The following KCNQ1 variants were observed in gnomAD, a reference collection of about 807,000 sequenced individuals.
The protein encoded by KCNQ1 is potassium voltage-gated channel subfamily KQT member 1.
In KCNQ1, 49 loss-of-function variants were observed where a neutral mutation model predicts 72.4. That is an observed-to-expected ratio of 0.68 (90% CI 0.54 to 0.86). KCNQ1 has a LOEUF of 0.86. Among genes scored for constraint, KCNQ1 ranks in the 40% least tolerant of loss-of-function variants. The probability of loss-of-function intolerance (pLI) is 0.00; values close to 1 mark genes in which losing one functional copy is unlikely to be tolerated. For missense variants in KCNQ1, 790 were observed against 945.1 expected, an observed-to-expected ratio of 0.84 and a Z score of 2.15; for synonymous variants, 450 against 412.6, an observed-to-expected ratio of 1.09 and a Z score of -1.10.
Position 2,768,977 on chromosome 11 carries a change from T to C in KCNQ1, c.1590+58T>C. ...CCTGCCCCTCGCAGCCTGATGCAGC[T>C]GCCCACACCTCTCCTGGGTTCTCTC... On this transcript the variant is annotated intron_variant, in intron 12 of 15. Coordinates refer to ENST00000155840, the MANE Select transcript of KCNQ1 (RefSeq NM_000218.3). This position sits in a 1 kb window ranked among gnomAD's most constrained non-coding sequence, Gnocchi z 6.7. The C allele has an allele frequency of 7.4e-7, 1 of 1,356,422 alleles. No homozygotes were observed. The highest frequency in any genetic ancestry group is 1.1e-6 in the Non-Finnish European group (1 of 946,850). The allele number at this position is 1,356,422 out of a possible 1,614,324, so 84.0% of individuals were successfully genotyped here.
rs1218805062 is a variant in KCNQ1, at chr11:2,516,465, T to C, written c.387-11463T>C. ...CACACGTTCCTGTTTGAATTCTCAA[T>C]CTCCGGGCTCAAAATTGGCCCCCAG... On this transcript the variant is annotated intron_variant, in intron 1 of 15. Coordinates refer to ENST00000155840, the MANE Select transcript of KCNQ1 (RefSeq NM_000218.3). The surrounding 1 kb of genome is among the most constrained non-coding windows in gnomAD (Gnocchi z 7.0). Among the ~76,000 whole-genome samples the C allele has an allele frequency of 2.0e-5, 3 of 152,054 alleles. No homozygotes were observed. The highest frequency in any genetic ancestry group is 4.4e-5 in the Non-Finnish European group (3 of 68,004).
chr11:2,663,485 G>A lies in KCNQ1; in HGVS notation c.1514+1404G>A, dbSNP rs1850006674. ...GTTAGTTTAGTGGCTCATGTTGTGT[G>A]CAATACAGGTGGCAGTGCCTGTATT... On this transcript the variant is annotated intron_variant, in intron 11 of 15. Transcript: ENST00000155840. The surrounding 1 kb of genome is among the most constrained non-coding windows in gnomAD (Gnocchi z 5.2). 1 of 398,690 alleles carries A rather than the reference G, an allele frequency of 2.5e-6. No homozygotes were observed. Among genetic ancestry groups the A allele is most frequent in the Admixed American group, 4.4e-5 (1 of 22,734 alleles). The allele number at this position is 398,690 out of a possible 1,614,324, so 24.7% of individuals were successfully genotyped here.
In KCNQ1 at chr11:2,658,393, T is replaced by C; in HGVS notation, c.1394-3568T>C. On this transcript the variant is annotated intron_variant, in intron 10 of 15. Transcript: ENST00000155840. This position sits in a 1 kb window ranked among gnomAD's most constrained non-coding sequence, Gnocchi z 4.9. ...TTATTTTTTGAGTTATAGTCCAATA[T>C]TATTTATTTTGTTGCTCAAATTGTT... 2.5e-6 allele frequency: 1 copy of C among 398,638 alleles called. No homozygotes were observed. Among genetic ancestry groups the C allele is most frequent in the East Asian group, 3.6e-5 (1 of 28,076 alleles). The allele number at this position is 398,638 out of a possible 1,614,324, so 24.7% of individuals were successfully genotyped here. A position where few individuals can be genotyped will look rare whatever the true frequency, so the allele number is the denominator to read the frequency against.
rs1847611612 is a variant in KCNQ1, at chr11:2,816,251, T to G, written c.1795-31516T>G. Among the ~76,000 whole-genome samples, 1 of 152,080 alleles carries G rather than the reference T, an allele frequency of 6.6e-6. No homozygotes were observed. Among genetic ancestry groups the G allele is most frequent in the African/African-American group, 2.4e-5 (1 of 41,412 alleles). Reference sequence around the variant, plus strand: ...GTGAAGTGGATAAAGATTCAGGTTGTGGGAGGGAGACTTGAAGGGCAAGTT... The same window carrying G: ...GTGAAGTGGATAAAGATTCAGGTTGGGGGAGGGAGACTTGAAGGGCAAGTT... On this transcript the variant is annotated intron_variant, in intron 15 of 15. Coordinates refer to ENST00000155840, the MANE Select transcript of KCNQ1 (RefSeq NM_000218.3). The surrounding 1 kb of genome is among the most constrained non-coding windows in gnomAD (Gnocchi z 6.8).
rs1330152199 is a variant in KCNQ1 at position 2,669,065 on chromosome 11, C to G, written c.1514+6984C>G. ...CATGGGAAGGCCCGTCCTCTCCCAA[C>G]TACCCTGCCGTATCAGTGTCTTTAC... On this transcript the variant is annotated intron_variant, in intron 11 of 15. Coordinates refer to ENST00000155840, the MANE Select transcript of KCNQ1 (RefSeq NM_000218.3). This position sits in a 1 kb window ranked among gnomAD's most constrained non-coding sequence, Gnocchi z 5.6. 1 of 398,606 alleles carries G rather than the reference C, an allele frequency of 2.5e-6. No individual in the cohort carries two copies. The highest frequency in any genetic ancestry group is 4.4e-6 in the Non-Finnish European group (1 of 226,118). The allele number at this position is 398,606 out of a possible 1,614,324, so 24.7% of individuals were successfully genotyped here.
At chr11:2,744,604 T>TA (rs765500554) in intron 11 of KCNQ1, among the ~76,000 whole-genome samples, 11 of 152,156 alleles carry the variant, frequency 7.2e-5, no homozygotes, top group South Asian at 6.2e-4. Context: ...GCCCTGGGGA[T>TA]AAAAAAGAGG....
chr11:2,486,678 G>C lies in KCNQ1; in HGVS notation c.386+41194G>C, dbSNP rs1000298243. 5.9e-5 allele frequency among the ~76,000 whole-genome samples: 9 copies of C among 152,320 alleles called. No individual in the cohort carries two copies. The highest frequency in any genetic ancestry group is 3.9e-4 in the East Asian group (2 of 5,188). ...TGGTGCCAGCACCTGCTTCTGGCGA[G>C]AGCCTCAGGAAGCTTCCAATCACGG... is the stretch of plus-strand genomic sequence containing the variant. On this transcript the variant is annotated intron_variant, in intron 1 of 15. Transcript: ENST00000155840. This position sits in a 1 kb window ranked among gnomAD's most constrained non-coding sequence, Gnocchi z 5.0.
At chr11:2,706,851 A>G (rs1850919529) in intron 11 of KCNQ1, among the ~76,000 whole-genome samples, 1 of 152,184 alleles carries the variant, frequency 6.6e-6, no homozygotes. Context: ...CCACTCCCAG[A>G]AAGGAGAGCG....
chr11:2,561,928 T>C lies in KCNQ1; in HGVS notation c.478-8700T>C, dbSNP rs1039380515. Reference sequence around the variant, plus strand: ...TCAAGGTCACGGGCTGCACGTTCCATGGGGCCTGGGGAAGCAGCCGAGCAG... The same window carrying C: ...TCAAGGTCACGGGCTGCACGTTCCACGGGGCCTGGGGAAGCAGCCGAGCAG... On this transcript the variant is annotated intron_variant, in intron 2 of 15. Transcript: ENST00000155840. Among the ~76,000 whole-genome samples the C allele has an allele frequency of 4.0e-5, 6 of 151,672 alleles. No individual in the cohort carries two copies. In the South Asian group the frequency reaches 1.2e-3, roughly 31 times the overall value.
intron 6 of KCNQ1, among the ~76,000 whole-genome samples, chr11:2,582,861 G>T (rs79617194): frequency 1.4e-3 from 209 of 152,268 alleles, no homozygotes; most frequent in African/African-American, 4.6e-3. Flanking sequence ...GGGAAAGGGT[G>T]GGGGGAGCCT....
Position 2,833,217 on chromosome 11 carries a change from G to T in KCNQ1, c.1795-14550G>T, listed in dbSNP as rs879557454. ...AAGCCCCTGCACGCAAGGGGCCCAC[G>T]CGCCAGGGCAGAGGACATAGCCCCT... On this transcript the variant is annotated intron_variant, in intron 15 of 15. Coordinates refer to ENST00000155840, the MANE Select transcript of KCNQ1 (RefSeq NM_000218.3). Among the ~76,000 whole-genome samples, 2 of 152,172 alleles carry T rather than the reference G, an allele frequency of 1.3e-5. 1 individual carries two copies. The highest frequency in any genetic ancestry group is 4.1e-4 in the South Asian group (2 of 4,832).
chr11:2,701,218 G>A (rs1323302153), intron 11 of KCNQ1, among the ~76,000 whole-genome samples: 1 of 152,196 alleles, frequency 6.6e-6, no homozygotes, highest in Admixed American at 6.5e-5. Context: ...ACCGGGTTGG[G>A]GGTTTTGTTG....
At position 2,457,894 on chromosome 11, in the gene KCNQ1, T is replaced by C. The variant is rs1846219833; in HGVS notation, c.386+12410T>C. Among the ~76,000 whole-genome samples, 1 of 151,596 alleles carries C rather than the reference T, an allele frequency of 6.6e-6. No homozygotes were observed. Among genetic ancestry groups the C allele is most frequent in the East Asian group, 1.9e-4 (1 of 5,168 alleles). On this transcript the variant is annotated intron_variant, in intron 1 of 15. Coordinates refer to ENST00000155840, the MANE Select transcript of KCNQ1 (RefSeq NM_000218.3). This position sits in a 1 kb window ranked among gnomAD's most constrained non-coding sequence, Gnocchi z 5.0. ...CCTGCATTTGAATGAGGACTATCAGTATGCATCCAGGATGACGTTTACTTA... is the reference window on the plus strand; with the variant it reads ...CCTGCATTTGAATGAGGACTATCAGCATGCATCCAGGATGACGTTTACTTA...
rs571549716 is a variant in KCNQ1, at chr11:2,744,590, C to T, written c.1515-24254C>T. ...GCCCCATGCCATGCCAGGTACCTTA[C>T]TAGGCCCTGGGGATAAAAAAGAGGA... On this transcript the variant is annotated intron_variant, in intron 11 of 15. Transcript: ENST00000155840. Among the ~76,000 whole-genome samples, 132 of 152,322 alleles carry T rather than the reference C, an allele frequency of 8.7e-4. 1 individual carries two copies. The highest frequency in any genetic ancestry group is 2.6e-3 in the African/African-American group (110 of 41,566).
rs1167505141 is a variant in KCNQ1 at position 2,610,716 on chromosome 11, C to CTTTTTTTTTT, written c.1393+21882_1393+21891dup. Reference sequence around the variant, plus strand: ...TTCTGGACACAGTATTCTTGGTTGGCTTTTTTTTTTTTTTTTTTTTTTTTT... The same window carrying CTTTTTTTTTT: ...TTCTGGACACAGTATTCTTGGTTGGCTTTTTTTTTTTTTTTTTTTTTTTTTTTTTTTTTTT... On this transcript the variant is annotated intron_variant, in intron 10 of 15. Transcript: ENST00000155840. The CTTTTTTTTTT allele has an allele frequency of 8.3e-4, 190 of 229,956 alleles. 7 individuals are homozygous for CTTTTTTTTTT. The highest frequency in any genetic ancestry group is 5.0e-3 in the East Asian group (82 of 16,470). The allele number at this position is 229,956 out of a possible 1,614,324, so 14.2% of individuals were successfully genotyped here.
chr11:2,538,950 C>A lies in KCNQ1; in HGVS notation c.477+10932C>A, dbSNP rs543661042. Among the ~76,000 whole-genome samples the A allele has an allele frequency of 5.3e-5, 8 of 152,206 alleles. No individual in the cohort carries two copies. Among genetic ancestry groups the A allele is most frequent in the East Asian group, 1.9e-4 (1 of 5,192 alleles). The stretch of plus-strand genomic sequence containing the variant: ...TGGGGTTGACACCCCTGGGCTGGAA[C>A]CTGGGAACCACCAGTCAGCGTCTTT... On this transcript the variant is annotated intron_variant, in intron 2 of 15. Transcript: ENST00000155840. The surrounding 1 kb of genome is among the most constrained non-coding windows in gnomAD (Gnocchi z 6.7).
rs1279568368 is a variant in KCNQ1, at chr11:2,830,168, G to T, written c.1795-17599G>T. ...GGTGTGTGGTGAAGGGGAAAGACCA[G>T]CAGGCCCTTTACACCGTGGGCACAG... On this transcript the variant is annotated intron_variant, in intron 15 of 15. Transcript: ENST00000155840. This position sits in a 1 kb window ranked among gnomAD's most constrained non-coding sequence, Gnocchi z 7.7. Among the ~76,000 whole-genome samples the T allele has an allele frequency of 2.6e-5, 4 of 152,242 alleles. No individual in the cohort carries two copies. The highest frequency in any genetic ancestry group is 7.2e-5 in the African/African-American group (3 of 41,556).
chr11:2,622,163 A>T (rs1849183984), intron 10 of KCNQ1: 1 of 398,196 alleles, frequency 2.5e-6, no homozygotes. Context: ...TGAAGTCCCT[A>T]AGTATTATTG....
At chr11:2,590,677 G>A (rs73413288) in intron 10 of KCNQ1, among the ~76,000 whole-genome samples, 10 of 152,186 alleles carry the variant, frequency 6.6e-5, no homozygotes, top group Non-Finnish European at 1.3e-4. Flanking sequence ...GCTCCTTGAA[G>A]TCTCAGCCCC....
Sources: gnomAD v4.1 joint callset for allele counts (sites outside exome capture counted in the v4.1 genomes callset) on GRCh38, gnomAD v4.1.1 for gene constraint, Gnocchi (gnomAD v3.1) non-coding constraint, MANE v1.5 for transcripts, NCBI Gene and HGNC (gene_info 2026-07-23, HGNC 2026-07-21) for gene names.